Variants in APOBEC1 observed in about 807,000 individuals in gnomAD.
The protein encoded by APOBEC1 is C->U-editing enzyme APOBEC-1.
In APOBEC1, 22 loss-of-function variants were observed where a neutral mutation model predicts 26.3. The observed-to-expected ratio is 0.84, with a 90% CI of 0.60 to 1.19. The LOEUF (loss-of-function observed/expected upper bound fraction) is 1.19, where lower values mean the gene tolerates loss of function less well. Ranked by LOEUF, APOBEC1 falls within the 50% of genes most tolerant of loss-of-function variation. The pLI is 0.00. For missense variants in APOBEC1, 253 were observed against 289.0 expected, an observed-to-expected ratio of 0.88 and a Z score of 0.90; for synonymous variants, 77 against 95.3, an observed-to-expected ratio of 0.81 and a Z score of 1.12.
At chr12:7,662,783 G>A (rs1214885867) in intron 1 of APOBEC1, among the ~76,000 whole-genome samples, 3 of 152,094 alleles carry the variant, frequency 2.0e-5, no homozygotes, top group Non-Finnish European at 4.4e-5. Context: ...GGAACACCAG[G>A]TGCAAACGAC....
At chr12:7,668,267 T>C (rs1254959890), upstream of APOBEC1, among the ~76,000 whole-genome samples, 3 of 152,142 alleles carry the variant, frequency 2.0e-5, no homozygotes, top group Admixed American at 2.0e-4. Context: ...CCAGAAGAAA[T>C]GCTACCCTGA....
upstream of APOBEC1, among the ~76,000 whole-genome samples, chr12:7,669,360 G>A (rs1273934541): frequency 6.6e-6 from 1 of 152,066 alleles, no homozygotes; most frequent in Non-Finnish European, 1.5e-5. Context: ...GTATTCCATT[G>A]CATAGGTATG....
chr12:7,668,165 T>G (rs180677940), upstream of APOBEC1, among the ~76,000 whole-genome samples: 2 of 152,114 alleles, frequency 1.3e-5, no homozygotes, highest in African/African-American at 2.4e-5. Context: ...AGCAGAATTC[T>G]GCTTGCTGGC....
chr12:7,660,701 T>TAA (rs34455959), intron 1 of APOBEC1, among the ~76,000 whole-genome samples: 53,012 of 119,738 alleles, frequency 0.44, 13,057 homozygotes, highest in Non-Finnish European at 0.57. Context: ...AGATTCCATC[T>TAA]AAAAAAAAAA....
chr12:7,663,870 T>C (rs7295565), intron 1 of APOBEC1, among the ~76,000 whole-genome samples: 21,557 of 149,560 alleles, frequency 0.14, 1,649 homozygotes, highest in South Asian at 0.23. Context: ...TTTTTTTTTT[T>C]CCCGAGATGG....
intron 1 of APOBEC1, among the ~76,000 whole-genome samples, chr12:7,660,959 G>A (rs961649056): frequency 7.9e-5 from 12 of 150,970 alleles, no homozygotes; most frequent in African/African-American, 2.2e-4. Context: ...TTTGGGAGGC[G>A]GAGGCGGGTG....
intron 1 of APOBEC1, among the ~76,000 whole-genome samples, chr12:7,658,303 A>T (rs1863745597): frequency 6.6e-6 from 1 of 152,268 alleles, no homozygotes; most frequent in Non-Finnish European, 1.5e-5. Flanking sequence ...GCCTCATGTG[A>T]TCTGCCCCTC....
At chr12:7,654,721 A>C in intron 1 of APOBEC1, 89 bp from the exon 2 acceptor site, 3 of 1,197,606 alleles carry the variant, frequency 2.5e-6, no homozygotes, top group Non-Finnish European at 3.7e-6. Context: ...AAACCTCCAA[A>C]TCATCTCAGA....
At chr12:7,653,759 G>C (rs867517511) in intron 2 of APOBEC1, among the ~76,000 whole-genome samples, 1 of 152,050 alleles carries the variant, frequency 6.6e-6, no homozygotes, top group Non-Finnish European at 1.5e-5. Flanking sequence ...GTATTGTCAA[G>C]AACAGACAAA....
intron 1 of APOBEC1, among the ~76,000 whole-genome samples, chr12:7,663,466 G>A (rs1315802645): frequency 6.6e-6 from 1 of 152,136 alleles, no homozygotes. Context: ...GCATTGGGAG[G>A]AAGGAGGAAG....
At chr12:7,661,154 CAA>C (rs1863813830) in intron 1 of APOBEC1, among the ~76,000 whole-genome samples, 1 of 142,696 alleles carries the variant, frequency 7.0e-6, no homozygotes, top group Admixed American at 7.4e-5. Flanking sequence ...TGCAGTGAGC[CAA>C]ATTTGCGCCA....
chr12:7,663,873 C>G (rs1432076976), intron 1 of APOBEC1, among the ~76,000 whole-genome samples: 1 of 150,966 alleles, frequency 6.6e-6, no homozygotes, highest in Non-Finnish European at 1.5e-5. Flanking sequence ...TTTTTTTTCC[C>G]GAGATGGAGT....
At chr12:7,665,715 G>A (rs895209667) in intron 1 of APOBEC1, 142 bp downstream of exon 1, 3 of 831,454 alleles carry the variant, frequency 3.6e-6, no homozygotes, top group Non-Finnish European at 6.0e-6. Flanking sequence ...CAATAATAGG[G>A]AAGTTTGAAA....
chr12:7,661,037 C>CAAAAAAAAAAA (rs764452957), intron 1 of APOBEC1, among the ~76,000 whole-genome samples: 3 of 91,036 alleles, frequency 3.3e-5, no homozygotes, highest in Admixed American at 1.3e-4. Context: ...ACTAAAAATA[C>CAAAAAAAAAAA]AAAAAAAAAA....
Position 7,652,423 on chromosome 12 carries a change from GTTTACTGT to G in APOBEC1, c.442+7_442+14del. 1.3e-6 allele frequency: 2 copies of G among 1,592,938 alleles called. No homozygotes were observed. Among genetic ancestry groups the G allele is most frequent in the Non-Finnish European group, 1.7e-6 (2 of 1,169,488 alleles). On this transcript the variant is annotated splice_region_variant and intron_variant, in intron 3 of 4. Transcript: ENST00000229304. ...CTGTTGTAAACAATGAAGTTTCTTT[GTTTACTGT>G]TTTTACCTGATGCTCTCATAATCTG...
intron 1 of APOBEC1, among the ~76,000 whole-genome samples, chr12:7,661,043 A>AG (rs895700762): frequency 8.6e-5 from 13 of 150,600 alleles, no homozygotes; most frequent in Non-Finnish European, 1.5e-4. Context: ...AATACAAAAA[A>AG]AAAAAAAAAA....
In APOBEC1 at chr12:7,652,536, T is replaced by C; in HGVS notation, c.344A>G (p.Tyr115Cys). Residue 115 changes from tyrosine to cysteine, a missense_variant, in exon 3 of 5, where the codon TAC becomes TGC. Tyr to Cys is a radical substitution (Grantham distance 194, BLOSUM62 -2). Transcript: ENST00000229304. Reference sequence around the variant, plus strand: ...CATGTGCCAAAAAAGCCGAGCTACGTAGATCACTAGAGTCACACCAGGGTG... The same window carrying C: ...CATGTGCCAAAAAAGCCGAGCTACGCAGATCACTAGAGTCACACCAGGGTG... Reference protein sequence around the residue: ...SRHPGVTLVIYVARLFWHMDQ... With the variant: ...SRHPGVTLVICVARLFWHMDQ... 4 of 1,614,204 alleles carry C rather than the reference T, an allele frequency of 2.5e-6. No homozygotes were observed. The highest frequency in any genetic ancestry group is 1.1e-5 in the South Asian group (1 of 91,082).
At chr12:7,659,317 AAAAAAAT>A (rs1286729139) in intron 1 of APOBEC1, among the ~76,000 whole-genome samples, 1 of 91,678 alleles carries the variant, frequency 1.1e-5, no homozygotes, top group Non-Finnish European at 2.1e-5. Context: ...AAAAAAAAAA[AAAAAAAT>A]ATATATATAT....
In APOBEC1 at chr12:7,661,192, C is replaced by T. The variant is rs561848337; in HGVS notation, c.16+4665G>A. On this transcript the variant is annotated intron_variant, in intron 1 of 4. Coordinates refer to ENST00000229304, the MANE Select transcript of APOBEC1 (RefSeq NM_001644.5). The stretch of plus-strand genomic sequence containing the variant: ...CTGCACTCCAGCCTGGGTGATAGAG[C>T]GAGACTCCGTCTCAAAAAAAAAAAA... 6.1e-5 allele frequency among the ~76,000 whole-genome samples: 8 copies of T among 130,642 alleles called. No homozygotes were observed. In the East Asian group the frequency reaches 8.5e-4, roughly 14 times the overall value. 85.7% of individuals were successfully genotyped at this position (130,642 alleles called of 152,430 possible).
Sources: gnomAD v4.1 joint callset for allele counts (sites outside exome capture counted in the v4.1 genomes callset) on GRCh38, gnomAD v4.1.1 for gene constraint, MANE v1.5 for transcripts, NCBI Gene and HGNC (gene_info 2026-07-23, HGNC 2026-07-21) for gene names.